The following SYNPO2 variants were observed in gnomAD, a reference collection of about 807,000 sequenced individuals.
SYNPO2 encodes the protein synaptopodin 2.
A neutral mutation model predicts 85.0 loss-of-function variants in SYNPO2; 56 were observed. The observed-to-expected ratio is 0.66, with a 90% CI of 0.53 to 0.82. The LOEUF is 0.82. Among genes scored for constraint, SYNPO2 ranks in the 40% least tolerant of loss-of-function variants. SYNPO2 has a pLI of 0.00. For missense variants in SYNPO2, 1,575 were observed against 1,534.2 expected (o/e 1.03, Z -0.44); for synonymous variants, 602 against 591.1 (o/e 1.02, Z -0.27).
At chr4:118,995,134 A>C (rs1319456998) in intron 1 of SYNPO2, among the ~76,000 whole-genome samples, 1 of 152,180 alleles carries the variant, frequency 6.6e-6, no homozygotes, top group Non-Finnish European at 1.5e-5. Context: ...AACACTCACC[A>C]GTGCTGTCTC....
At chr4:118,995,790 T>C (rs1468385636) in intron 1 of SYNPO2, among the ~76,000 whole-genome samples, 1 of 152,218 alleles carries the variant, frequency 6.6e-6, no homozygotes, top group Non-Finnish European at 1.5e-5. Flanking sequence ...TGTATTTCTA[T>C]TGGATAGTGC....
chr4:119,036,506 G>T, intron 4 of SYNPO2: 1 of 985,394 alleles, frequency 1.0e-6, no homozygotes, highest in Non-Finnish European at 1.2e-6. Flanking sequence ...TGTCCTACCA[G>T]GGTTGGCCAA....
At chr4:118,959,809 T>C (rs1279697162) in intron 1 of SYNPO2, among the ~76,000 whole-genome samples, 2 of 104,162 alleles carry the variant, frequency 1.9e-5, no homozygotes, top group East Asian at 6.8e-4. Context: ...TTGTCTTTTC[T>C]AGCTATACTG....
chr4:119,030,231 G>C lies in SYNPO2; in HGVS notation c.1456G>C (p.Asp486His), dbSNP rs1254219373. ...NRGDKMEMLPDTTGKGALMFA... is the reference protein window; with the variant it reads ...NRGDKMEMLPHTTGKGALMFA... ...AGGGGACAAGATGGAGATGTTACCAGACACCACAGGCAAGGGAGCCCTCAT... is the reference window on the plus strand; with the variant it reads ...AGGGGACAAGATGGAGATGTTACCACACACCACAGGCAAGGGAGCCCTCAT... The change falls in exon 4 of 5, where the codon GAC (aspartate) becomes CAC (histidine). Residue 486 changes from aspartate (D) to histidine (H), a missense_variant. By Grantham distance (81) the Asp-to-His change is moderately conservative (BLOSUM62 -1). This residue lies in a region of SYNPO2 where 1,508 missense variants were observed against 1,446.8 expected (regional missense o/e 1.04). Transcript: ENST00000307142. The C allele has an allele frequency of 6.2e-7, 1 of 1,613,920 alleles. No individual in the cohort carries two copies. Among genetic ancestry groups the C allele is most frequent in the Admixed American group, 1.7e-5 (1 of 59,984 alleles).
intron 1 of SYNPO2, among the ~76,000 whole-genome samples, chr4:118,983,682 C>T (rs981740572): frequency 6.6e-6 from 1 of 152,174 alleles, no homozygotes; most frequent in East Asian, 1.9e-4. Context: ...CAGTACTCAG[C>T]CCCTTTATCT....
At chr4:118,870,553 A>G (rs1731782860) in intron 1 of SYNPO2, among the ~76,000 whole-genome samples, 1 of 152,228 alleles carries the variant, frequency 6.6e-6, no homozygotes, top group African/African-American at 2.4e-5. Flanking sequence ...GTATATACCC[A>G]GTAATGGGAT....
intron 1 of SYNPO2, among the ~76,000 whole-genome samples, chr4:118,903,055 G>A (rs1402019492): frequency 6.6e-6 from 1 of 152,096 alleles, no homozygotes; most frequent in Non-Finnish European, 1.5e-5. Context: ...CAGAGCTTTA[G>A]TTTCCTCATC....
intron 4 of SYNPO2, chr4:119,034,648 A>G (rs1439897162): frequency 2.0e-6 from 2 of 985,348 alleles, no homozygotes; most frequent in Non-Finnish European, 2.4e-6. Flanking sequence ...AGTTCTCCAA[A>G]ACAATATCCA....
intron 1 of SYNPO2, among the ~76,000 whole-genome samples, chr4:119,000,686 G>A (rs977632199): frequency 6.6e-6 from 1 of 152,198 alleles, no homozygotes; most frequent in African/African-American, 2.4e-5. Flanking sequence ...ATCGCTATCT[G>A]AGTTGCCAGG....
At position 119,030,258 on chromosome 4, in the gene SYNPO2, T is replaced by C; in HGVS notation, c.1483T>C (p.Phe495Leu). 1 of 1,613,794 alleles carries C rather than the reference T, an allele frequency of 6.2e-7. No individual in the cohort carries two copies. Among genetic ancestry groups the C allele is most frequent in the Non-Finnish European group, 8.5e-7 (1 of 1,179,952 alleles). Residue 495 changes from phenylalanine to leucine, a missense_variant, in exon 4 of 5, where the codon TTT becomes CTT. Physicochemically the swap from Phe to Leu is conservative, Grantham distance 22. Around this residue, in one of 3 missense-constraint regions of SYNPO2, gnomAD observed 1,508 missense variants for 1,446.8 expected, o/e 1.04. Transcript: ENST00000307142. The part of the protein sequence containing the change: ...PDTTGKGALM[F>L]AKRRERMDQI... Reference sequence around the variant, plus strand: ...CACCACAGGCAAGGGAGCCCTCATGTTTGCCAAGAGGAGGGAGAGAATGGA... The same window carrying C: ...CACCACAGGCAAGGGAGCCCTCATGCTTGCCAAGAGGAGGGAGAGAATGGA...
At chr4:118,968,831 T>C (rs77570809) in intron 1 of SYNPO2, among the ~76,000 whole-genome samples, 16,270 of 152,260 alleles carry the variant, frequency 0.11, 912 homozygotes, top group East Asian at 0.16. Context: ...AGAAGCAAGC[T>C]CAGACTGATT....
At chr4:118,900,703 C>CTCTCTCTCTCTATATA (rs1277981772) in intron 1 of SYNPO2, among the ~76,000 whole-genome samples, 27 of 43,862 alleles carry the variant, frequency 6.2e-4, no homozygotes, top group South Asian at 9.6e-4. Context: ...CTCTCTCTCT[C>CTCTCTCTCTCTATATA]TATATATATA....
Position 119,031,916 on chromosome 4 carries a change from C to A in SYNPO2, c.3141C>A (p.Ser1047=). The A allele has an allele frequency of 6.2e-7, 1 of 1,614,232 alleles. No individual in the cohort carries two copies. The highest frequency in any genetic ancestry group is 8.5e-7 in the Non-Finnish European group (1 of 1,180,050). Residue 1047 remains serine, a synonymous_variant, in exon 4 of 5, where the codon TCC becomes TCA. Transcript: ENST00000307142. ...AGGCCTCCTCACCAGTCAGTGCATCCCCAGTGCCTGTGGGCATTCCCACCT... is the reference window on the plus strand; with the variant it reads ...AGGCCTCCTCACCAGTCAGTGCATCACCAGTGCCTGTGGGCATTCCCACCT... The part of the protein sequence containing the change: ...FAEASSPVSA[S]PVPVGIPTSP...
intron 1 of SYNPO2, among the ~76,000 whole-genome samples, chr4:118,895,644 T>A (rs1055155589): frequency 3.3e-5 from 5 of 152,208 alleles, no homozygotes; most frequent in Admixed American, 3.3e-4. Flanking sequence ...GTTTGGCCTT[T>A]CTGGGTAGGG....
intron 4 of SYNPO2, among the ~76,000 whole-genome samples, chr4:119,051,372 G>A (rs1361952039): frequency 3.3e-5 from 5 of 150,460 alleles, no homozygotes; most frequent in African/African-American, 9.8e-5. Context: ...TGTATTTTTA[G>A]TAGAGACGGG....
At chr4:119,055,775 A>C (rs1259685551) in intron 4 of SYNPO2, among the ~76,000 whole-genome samples, 1 of 152,200 alleles carries the variant, frequency 6.6e-6, no homozygotes, top group Non-Finnish European at 1.5e-5. Context: ...GTTTTTGCTA[A>C]GATTCAACCA....
chr4:119,031,433 T>C lies in SYNPO2; in HGVS notation c.2658T>C (p.Tyr886=). 6.2e-7 allele frequency: 1 copy of C among 1,614,118 alleles called. No individual in the cohort carries two copies. Among genetic ancestry groups the C allele is most frequent in the South Asian group, 1.1e-5 (1 of 91,078 alleles). The change falls in exon 4 of 5, where the codon TAT becomes TAC. Residue 886 remains tyrosine (Y), a synonymous_variant. Transcript: ENST00000307142. The part of the protein sequence containing the change: ...FAKRQSRMEK[Y]VVDSDTVQAH... ...AAAGGCAGTCGAGAATGGAGAAGTA[T>C]GTGGTCGATTCAGACACGGTGCAGG...
intron 1 of SYNPO2, among the ~76,000 whole-genome samples, chr4:118,968,410 C>T (rs1578595288): frequency 1.3e-5 from 2 of 152,158 alleles, no homozygotes; most frequent in African/African-American, 4.8e-5. Flanking sequence ...ACTGTTTCAC[C>T]ATTAACCATT....
chr4:118,968,271 T>C (rs1735390432), intron 1 of SYNPO2, among the ~76,000 whole-genome samples: 1 of 152,208 alleles, frequency 6.6e-6, no homozygotes, highest in Admixed American at 6.5e-5. Flanking sequence ...TGGAGGCCCT[T>C]GCACTTGCTA....
Sources: allele counts gnomAD v4.1 joint callset (sites outside exome capture counted in the v4.1 genomes callset), GRCh38; gene constraint gnomAD v4.1.1; regional missense constraint gnomAD v4.1.1; transcripts MANE v1.5; gene names NCBI Gene and HGNC (gene_info 2026-07-23, HGNC 2026-07-21).